The following TMEM35A variants were observed in gnomAD, a reference collection of about 807,000 sequenced individuals.
The protein encoded by TMEM35A is transmembrane protein 35A.
For synonymous variants in TMEM35A, 50 were observed against 54.7 expected, an observed-to-expected ratio of 0.91 and a Z score of 0.38; for missense variants, 83 against 132.7, an observed-to-expected ratio of 0.63 and a Z score of 1.84.
At chrX:101,084,246 A>G (rs747246245) in intron 1 of TMEM35A, among the ~76,000 whole-genome samples, 3 of 109,647 alleles carry the variant, frequency 2.7e-5, no homozygotes, top group African/African-American at 9.9e-5. Context: ...CAATTTGGCA[A>G]TTAAATATGT....
At chrX:101,092,759 G>T (rs1205629621) in intron 1 of TMEM35A, among the ~76,000 whole-genome samples, 2 of 110,438 alleles carry the variant, frequency 1.8e-5, no homozygotes, top group Non-Finnish European at 1.9e-5. Context: ...TATGTGGGAG[G>T]CTGAGGCAGG....
chrX:101,082,090 A>G (rs769723327), intron 1 of TMEM35A, among the ~76,000 whole-genome samples: 1 of 76,075 alleles, frequency 1.3e-5, no homozygotes, highest in African/African-American at 4.7e-5. Context: ...AATTTTTAAA[A>G]TTTAGATTTT....
intron 1 of TMEM35A, among the ~76,000 whole-genome samples, chrX:101,089,417 G>A (rs769988401): frequency 1.2e-4 from 13 of 109,643 alleles, no homozygotes; most frequent in Middle Eastern, 4.6e-3. Context: ...TGTTTTTGGT[G>A]CCCTCTTAAA....
intron 1 of TMEM35A, among the ~76,000 whole-genome samples, chrX:101,080,682 TTC>T (rs2089289364): frequency 9.1e-6 from 1 of 110,033 alleles, no homozygotes; most frequent in South Asian, 4.0e-4. Flanking sequence ...GCCATTATAT[TTC>T]TGTCTTGGTG....
intron 1 of TMEM35A, among the ~76,000 whole-genome samples, chrX:101,084,317 G>C (rs960197868): frequency 9.1e-6 from 1 of 110,308 alleles, no homozygotes; most frequent in Non-Finnish European, 1.9e-5. Context: ...ATTTCTTACA[G>C]AGATTCAGAA....
chrX:101,090,782 G>C (rs910758935), intron 1 of TMEM35A, among the ~76,000 whole-genome samples: 1 of 110,086 alleles, frequency 9.1e-6, no homozygotes, highest in African/African-American at 3.3e-5. Flanking sequence ...AATCATTCTT[G>C]ACTCTTCCCT....
chrX:101,086,268 G>A (rs756449257), intron 1 of TMEM35A, among the ~76,000 whole-genome samples: 1 of 111,657 alleles, frequency 9.0e-6, no homozygotes, highest in African/African-American at 3.2e-5. Context: ...CTACAGACGT[G>A]TGCCACCACG....
chrX:101,082,185 T>C (rs1469673064), intron 1 of TMEM35A, among the ~76,000 whole-genome samples: 1 of 102,069 alleles, frequency 9.8e-6, no homozygotes, highest in Non-Finnish European at 2.0e-5. Flanking sequence ...TTTTTTCTTG[T>C]TTTAAAATCA....
chrX:101,080,784 A>T (rs749052797), intron 1 of TMEM35A, among the ~76,000 whole-genome samples: 21 of 110,854 alleles, frequency 1.9e-4, no homozygotes, highest in Non-Finnish European at 3.8e-4. Context: ...GTGTGTGTGC[A>T]TCATAGGTAT....
At chrX:101,094,535 G>T in intron 1 of TMEM35A, 38 bp from the exon 2 acceptor site, 1 of 1,154,627 alleles carries the variant, frequency 8.7e-7, no homozygotes, top group African/African-American at 1.8e-5. Flanking sequence ...TAAAATCATG[G>T]TTAATGCAGT....
At chrX:101,081,243 T>C (rs1377577217) in intron 1 of TMEM35A, among the ~76,000 whole-genome samples, 1 of 112,231 alleles carries the variant, frequency 8.9e-6, no homozygotes, top group Non-Finnish European at 1.9e-5. Context: ...TCACAATAGT[T>C]TGAAGAGGAT....
At chrX:101,085,624 T>TA (rs113749832) in intron 1 of TMEM35A, among the ~76,000 whole-genome samples, 6,872 of 103,304 alleles carry the variant, frequency 0.067, 622 homozygotes, top group African/African-American at 0.23. Context: ...AATAATAAAT[T>TA]AAAAAAATTA....
chrX:101,091,631 G>C (rs1397834397), intron 1 of TMEM35A, among the ~76,000 whole-genome samples: 1 of 111,857 alleles, frequency 8.9e-6, no homozygotes, highest in African/African-American at 3.2e-5. Context: ...TTCTTTAAAA[G>C]TTCCTCCTGG....
intron 1 of TMEM35A, among the ~76,000 whole-genome samples, chrX:101,090,388 A>G: frequency 9.7e-6 from 1 of 103,367 alleles, no homozygotes; most frequent in East Asian, 3.0e-4. Flanking sequence ...GGCTGGTCTC[A>G]AACTCCTGGC....
chrX:101,088,844 G>A (rs1416967051), intron 1 of TMEM35A, among the ~76,000 whole-genome samples: 2 of 110,423 alleles, frequency 1.8e-5, no homozygotes, highest in Non-Finnish European at 3.8e-5. Context: ...AGCATAATTT[G>A]CAGTGAGCCG....
At position 101,078,977 on chromosome X, in the gene TMEM35A, T is replaced by A; in HGVS notation, c.-26T>A. On this transcript the variant is annotated 5_prime_UTR_variant, in exon 1 of 2. Transcript: ENST00000372930. ...GAGCGGGTGCGCAAATCAGAAGGAT[T>A]AGTTGGGACCTGCCTTGGCGACCCC... 8.3e-7 allele frequency: 1 copy of A among 1,210,954 alleles called. No individual in the cohort carries two copies. The highest frequency in any genetic ancestry group is 1.1e-6 in the Non-Finnish European group (1 of 895,137).
At chrX:101,093,733 A>T (rs941015187) in intron 1 of TMEM35A, among the ~76,000 whole-genome samples, 9 of 112,334 alleles carry the variant, frequency 8.0e-5, no homozygotes, top group Admixed American at 1.9e-4. Flanking sequence ...TGGTATAATA[A>T]AATAGCATAA....
At chrX:101,089,578 TAA>T (rs761258471) in intron 1 of TMEM35A, among the ~76,000 whole-genome samples, 63 of 83,429 alleles carry the variant, frequency 7.6e-4, no homozygotes, top group Admixed American at 8.4e-4. Flanking sequence ...GGGCTGTCTC[TAA>T]AAAAAAAAAA....
At chrX:101,079,334 T>C (rs900413363) in intron 1 of TMEM35A, among the ~76,000 whole-genome samples, 6 of 110,439 alleles carry the variant, frequency 5.4e-5, no homozygotes, top group Non-Finnish European at 9.5e-5. Context: ...TGAATGCCAG[T>C]TGGGGGAGGG....
Sources: allele counts gnomAD v4.1 joint callset (sites outside exome capture counted in the v4.1 genomes callset), GRCh38; gene constraint gnomAD v4.1.1; transcripts MANE v1.5; gene names NCBI Gene and HGNC (gene_info 2026-07-23, HGNC 2026-07-21).